Variants in HNRNPLL observed in about 807,000 individuals in gnomAD.
The protein encoded by HNRNPLL is heterogeneous nuclear ribonucleoprotein L-like.
A neutral mutation model predicts 67.1 loss-of-function variants in HNRNPLL; 25 were observed. The ratio of observed to expected loss-of-function variants is 0.37; its 90% CI spans 0.27 to 0.52. The LOEUF is 0.52. HNRNPLL is among the 20% of genes least tolerant of loss of function. The pLI is 0.90. For missense variants in HNRNPLL, 542 were observed against 673.9 expected, an observed-to-expected ratio of 0.80 and a Z score of 2.17; for synonymous variants, 267 against 241.7, an observed-to-expected ratio of 1.10 and a Z score of -0.97.
chr2:38,577,026 A>G (rs1048230828), intron 7 of HNRNPLL, among the ~76,000 whole-genome samples: 3 of 151,908 alleles, frequency 2.0e-5, no homozygotes, highest in Non-Finnish European at 4.4e-5. Context: ...CTACAGAACT[A>G]TAAGGTGAGT....
At chr2:38,586,792 T>C (rs1666753026) in intron 2 of HNRNPLL, among the ~76,000 whole-genome samples, 2 of 152,222 alleles carry the variant, frequency 1.3e-5, no homozygotes, top group Admixed American at 6.5e-5. Flanking sequence ...GAGGGTAAGA[T>C]GTTTACTTTT....
chr2:38,597,721 C>G (rs938140486), intron 1 of HNRNPLL, among the ~76,000 whole-genome samples: 20 of 149,832 alleles, frequency 1.3e-4, no homozygotes, highest in Non-Finnish European at 2.2e-4. Context: ...CGGAGTCTCG[C>G]TCTGTCGCCC....
At position 38,564,106 on chromosome 2, in the gene HNRNPLL, T is replaced by C. The variant is rs906421286; in HGVS notation, c.*76A>G. The C allele has an allele frequency of 4.4e-6, 4 of 907,366 alleles. No individual in the cohort carries two copies. Among genetic ancestry groups the C allele is most frequent in the African/African-American group, 3.3e-5 (2 of 60,380 alleles). 56.2% of individuals were successfully genotyped at this position (907,366 alleles called of 1,614,324 possible). ...CAAGGCAACATGAGATCAACCATTT[T>C]AGATTTTTTTTTAATGAAGTGTAGC... On this transcript the variant is annotated 3_prime_UTR_variant, in exon 13 of 13. Coordinates refer to ENST00000449105, the MANE Select transcript of HNRNPLL (RefSeq NM_138394.4).
chr2:38,568,477 A>G, intron 10 of HNRNPLL, 34 bp from the exon 11 acceptor site: 2 of 1,405,234 alleles, frequency 1.4e-6, no homozygotes, highest in Non-Finnish European at 2.0e-6. Context: ...TTAAAAATAT[A>G]GCCAAAATAA....
intron 8 of HNRNPLL, among the ~76,000 whole-genome samples, chr2:38,570,989 A>G (rs1011625840): frequency 5.9e-5 from 9 of 152,156 alleles, no homozygotes; most frequent in African/African-American, 1.9e-4. Flanking sequence ...AGGCTGAAGT[A>G]ATCTATGACG....
intron 1 of HNRNPLL, among the ~76,000 whole-genome samples, chr2:38,594,723 C>T (rs1209377913): frequency 4.6e-5 from 7 of 152,002 alleles, no homozygotes; most frequent in Admixed American, 3.3e-4. Flanking sequence ...CTGACACAGG[C>T]AAAATCACCT....
chr2:38,570,031 T>C, intron 8 of HNRNPLL, 106 bp from the exon 9 acceptor site: 1 of 735,816 alleles, frequency 1.4e-6, no homozygotes, highest in Non-Finnish European at 2.3e-6. Flanking sequence ...ATACGGAAGA[T>C]CACCTGGATT....
chr2:38,571,781 C>A (rs1666094318), intron 8 of HNRNPLL, among the ~76,000 whole-genome samples: 1 of 152,078 alleles, frequency 6.6e-6, no homozygotes. Context: ...TTCAACGTAT[C>A]ATAGCTTATC....
intron 2 of HNRNPLL, among the ~76,000 whole-genome samples, chr2:38,588,480 C>T (rs1009746990): frequency 1.5e-5 from 2 of 136,908 alleles, no homozygotes; most frequent in East Asian, 4.1e-4. Context: ...ACTTGGAGGG[C>T]AGAGGTTGCA....
chr2:38,590,668 C>T lies in HNRNPLL; in HGVS notation c.308+862G>A, dbSNP rs192195008. ...AGCTGTGGGAAGAGACAGGGGGAGC[C>T]TGCGTGAATACAAGGCACAAAAGGA... is the stretch of plus-strand genomic sequence containing the variant. On this transcript the variant is annotated intron_variant, in intron 2 of 12. Transcript: ENST00000449105. Among the ~76,000 whole-genome samples, 3 of 152,146 alleles carry T rather than the reference C, an allele frequency of 2.0e-5. No individual in the cohort carries two copies. In the East Asian group the frequency reaches 5.8e-4, roughly 29 times the overall value.
At chr2:38,577,562 C>T (rs750540870) in intron 6 of HNRNPLL, 30 bp from the exon 7 acceptor site, 65 of 1,414,568 alleles carry the variant, frequency 4.6e-5, no homozygotes, top group Admixed American at 1.0e-4. Context: ...ATGGTTTTAA[C>T]AATTTTGACC....
intron 8 of HNRNPLL, 113 bp downstream of exon 8, chr2:38,573,097 T>A (rs1381989385): frequency 1.4e-6 from 1 of 701,358 alleles, no homozygotes; most frequent in African/African-American, 1.8e-5. Flanking sequence ...ATGTGGGTCA[T>A]TACTCAAAGA....
Position 38,585,567 on chromosome 2 carries a change from A to G in HNRNPLL, c.546+77T>C, listed in dbSNP as rs921267598. Reference sequence around the variant, plus strand: ...TTTTCTAGTATCTAGATGGCAATGAAAAAACTACAGATCAGTCACTCTGGA... The same window carrying G: ...TTTTCTAGTATCTAGATGGCAATGAGAAAACTACAGATCAGTCACTCTGGA... On this transcript the variant is annotated intron_variant, in intron 3 of 12. Coordinates refer to ENST00000449105, the MANE Select transcript of HNRNPLL (RefSeq NM_138394.4). 4.7e-6 allele frequency: 4 copies of G among 856,390 alleles called. No individual in the cohort carries two copies. The African/African-American group carries it at 6.8e-5, about 14-fold the overall frequency. The allele number at this position is 856,390 out of a possible 1,614,324, so 53.0% of individuals were successfully genotyped here.
rs1169515258 is a variant in HNRNPLL, at chr2:38,582,369, G to A, written c.633-201C>T. The stretch of plus-strand genomic sequence containing the variant: ...CTTGCTCTATCACCAGGAGTGCAGT[G>A]GCGCGACCTGGGCTCAATGCAACCT... On this transcript the variant is annotated intron_variant, in intron 4 of 12. Transcript: ENST00000449105. Among the ~76,000 whole-genome samples, 10 of 152,238 alleles carry A rather than the reference G, an allele frequency of 6.6e-5. No homozygotes were observed. In the East Asian group the frequency reaches 1.7e-3, roughly 27 times the overall value.
chr2:38,573,270 T>A lies in HNRNPLL; in HGVS notation c.1032A>T (p.Gln344His). The change falls in exon 8 of 13, where the codon CAA becomes CAT. Residue 344 changes from glutamine (Q) to histidine (H), a missense_variant. Transcript: ENST00000449105. ...GSVVMVSGLH[Q>H]LKMNCSRVFN... Reference sequence around the variant, plus strand: ...AGACTCTTGAACAATTCATTTTTAGTTGATGTAATCCACTAACCATTACAA... The same window carrying A: ...AGACTCTTGAACAATTCATTTTTAGATGATGTAATCCACTAACCATTACAA... The A allele has an allele frequency of 1.9e-6, 3 of 1,611,182 alleles. No homozygotes were observed. The South Asian group carries it at 3.3e-5, about 18-fold the overall frequency.
chr2:38,602,396 G>A (rs754665274), intron 1 of HNRNPLL, 42 bp downstream of exon 1: 6 of 1,537,628 alleles, frequency 3.9e-6, no homozygotes, highest in Non-Finnish European at 5.2e-6. Flanking sequence ...GCTTCCCGGG[G>A]AGCAGCCAGG....
chr2:38,565,079 C>T (rs1262967484), intron 12 of HNRNPLL, among the ~76,000 whole-genome samples: 1 of 150,948 alleles, frequency 6.6e-6, no homozygotes, highest in African/African-American at 2.4e-5. Context: ...ATTTTTCAGA[C>T]CAGGCAGAAA....
In HNRNPLL at chr2:38,577,552, A is replaced by G; in HGVS notation, c.803-20T>C. On this transcript the variant is annotated intron_variant, in intron 6 of 12. Transcript: ENST00000449105. ...CTCTATCTGACACAAAAGTAGAAAC[A>G]TGGTTTTAACAATTTTGACCCAAGT... 6.4e-7 allele frequency: 1 copy of G among 1,560,228 alleles called. No homozygotes were observed. Among genetic ancestry groups the G allele is most frequent in the Non-Finnish European group, 8.8e-7 (1 of 1,131,320 alleles).
intron 1 of HNRNPLL, 174 bp downstream of exon 1, chr2:38,602,264 T>C: frequency 1.7e-6 from 1 of 595,798 alleles, no homozygotes; most frequent in Non-Finnish European, 2.8e-6. Flanking sequence ...GCAGTCGGGA[T>C]GCGGGAAACA....
Sources: gnomAD v4.1 joint callset for allele counts (sites outside exome capture counted in the v4.1 genomes callset) on GRCh38, gnomAD v4.1.1 for gene constraint, MANE v1.5 for transcripts, NCBI Gene and HGNC (gene_info 2026-07-23, HGNC 2026-07-21) for gene names.